FGF13: variants seen among roughly 807,000 people sequenced by gnomAD.
The protein encoded by FGF13 is fibroblast growth factor homologous factor 2.
A neutral mutation model predicts 19.5 loss-of-function variants in FGF13; 2 were observed. The ratio of observed to expected loss-of-function variants is 0.10; its 90% CI spans 0.04 to 0.32. The LOEUF is 0.32. FGF13 is among the 10% of genes least tolerant of loss of function. FGF13 has a pLI of 1.00. For synonymous variants in FGF13, 72 were observed against 76.9 expected (o/e 0.94, Z 0.33); for missense variants, 113 against 192.7 (o/e 0.59, Z 2.45).
chrX:139,062,475 G>A (rs1286284762), intron 1 of FGF13, among the ~76,000 whole-genome samples: 1 of 111,700 alleles, frequency 9.0e-6, no homozygotes, highest in African/African-American at 3.3e-5. Flanking sequence ...TTGAAGTAAG[G>A]TAGTGTGATA....
chrX:138,885,703 C>G (rs540070946), intron 1 of FGF13, among the ~76,000 whole-genome samples: 19 of 107,828 alleles, frequency 1.8e-4, no homozygotes, highest in East Asian at 1.2e-3. Flanking sequence ...TTCTCTAACC[C>G]CCCCCGCCAA....
At chrX:138,758,578 G>A (rs767612633) in intron 3 of FGF13, among the ~76,000 whole-genome samples, 1 of 110,872 alleles carries the variant, frequency 9.0e-6, no homozygotes, top group South Asian at 3.8e-4. Context: ...GTCCAATCTG[G>A]CTCCTCTCAC....
intron 3 of FGF13, among the ~76,000 whole-genome samples, chrX:138,641,353 A>T (rs935688547): frequency 8.1e-5 from 9 of 111,166 alleles, no homozygotes; most frequent in Non-Finnish European, 9.4e-5. Context: ...TTCCAGTCAC[A>T]TTTTCAGTAG....
At chrX:138,680,970 G>A (rs1339456574) in intron 3 of FGF13, among the ~76,000 whole-genome samples, 1 of 110,028 alleles carries the variant, frequency 9.1e-6, no homozygotes, top group Non-Finnish European at 1.9e-5. Flanking sequence ...TCAGGAGTTT[G>A]AGACCAGCCT....
chrX:138,866,214 C>A (rs760783152), intron 1 of FGF13, among the ~76,000 whole-genome samples: 5 of 112,845 alleles, frequency 4.4e-5, no homozygotes, highest in Non-Finnish European at 9.4e-5. Flanking sequence ...TTGGGCCCCA[C>A]CTCCAGAGAT....
At chrX:138,996,688 T>C (rs2092044601) in intron 1 of FGF13, among the ~76,000 whole-genome samples, 1 of 112,255 alleles carries the variant, frequency 8.9e-6, no homozygotes, top group African/African-American at 3.2e-5. Flanking sequence ...GTCAGGGACT[T>C]ATAGATAAAA....
intron 3 of FGF13, among the ~76,000 whole-genome samples, chrX:138,839,246 C>T (rs1187851916): frequency 2.7e-5 from 3 of 110,781 alleles, no homozygotes; most frequent in East Asian, 2.8e-4. Context: ...TGTGGCCTTT[C>T]GGTCTTGGAC....
chrX:138,954,254 T>C (rs1432514531), intron 1 of FGF13, among the ~76,000 whole-genome samples: 1 of 111,772 alleles, frequency 8.9e-6, no homozygotes, highest in African/African-American at 3.2e-5. Flanking sequence ...AACGCTGTTC[T>C]TATTGCTGAG....
intron 1 of FGF13, among the ~76,000 whole-genome samples, chrX:139,146,253 G>A (rs1323472967): frequency 8.9e-6 from 1 of 111,739 alleles, no homozygotes; most frequent in Non-Finnish European, 1.9e-5. Flanking sequence ...AATCTACAAA[G>A]AACTTAAACA....
chrX:138,835,972 T>C (rs2091109882), intron 3 of FGF13, among the ~76,000 whole-genome samples: 1 of 109,751 alleles, frequency 9.1e-6, no homozygotes. Context: ...GATTGTTGAA[T>C]GTTAAAAAAA....
chrX:138,866,837 T>C (rs1167092211), intron 1 of FGF13, among the ~76,000 whole-genome samples: 1 of 111,895 alleles, frequency 8.9e-6, no homozygotes, highest in African/African-American at 3.3e-5. Flanking sequence ...CATTGCACAA[T>C]AGCTGGCACA....
intron 1 of FGF13, among the ~76,000 whole-genome samples, chrX:139,054,736 G>A (rs748989186): frequency 1.3e-4 from 14 of 111,598 alleles, no homozygotes; most frequent in Non-Finnish European, 2.1e-4. Context: ...TGTTTGTGTT[G>A]TCTATGATTT....
intron 1 of FGF13, among the ~76,000 whole-genome samples, chrX:139,038,776 T>C (rs12556537): frequency 0.095 from 10,666 of 111,717 alleles, 423 homozygotes; most frequent in South Asian, 0.18. Flanking sequence ...TCACATCATT[T>C]CTAATCATAT....
At chrX:138,906,592 T>C (rs2091559696) in intron 1 of FGF13, among the ~76,000 whole-genome samples, 1 of 111,813 alleles carries the variant, frequency 8.9e-6, no homozygotes, top group Non-Finnish European at 1.9e-5. Flanking sequence ...AGAACAATAA[T>C]GCAGGCTAAA....
At chrX:138,947,047 G>C in intron 1 of FGF13, among the ~76,000 whole-genome samples, 1 of 112,056 alleles carries the variant, frequency 8.9e-6, no homozygotes, top group Middle Eastern at 4.6e-3. Context: ...GTGGCTAAAA[G>C]GGCTCTCTGC....
In FGF13 at chrX:138,943,483, T is replaced by C. The variant is rs183735867; in HGVS notation, c.-112-78833A>G. On this transcript the variant is annotated intron_variant, in intron 1 of 2. Coordinates refer to the FGF13 transcript ENST00000421460. Reference sequence around the variant, plus strand: ...ATTCCTATGAAAATCACATAAAGCATGCACTGCTGAAGCTCTAATATCTGA... The same window carrying C: ...ATTCCTATGAAAATCACATAAAGCACGCACTGCTGAAGCTCTAATATCTGA... Among the ~76,000 whole-genome samples, 351 of 112,066 alleles carry C rather than the reference T, an allele frequency of 3.1e-3. 1 individual carries two copies. Among genetic ancestry groups the C allele is most frequent in the African/African-American group, 0.011 (328 of 30,863 alleles).
intron 3 of FGF13, among the ~76,000 whole-genome samples, chrX:138,766,486 G>A (rs1338772789): frequency 8.9e-6 from 1 of 112,074 alleles, no homozygotes; most frequent in Non-Finnish European, 1.9e-5. Context: ...CATGATTTCA[G>A]TGCAAACCCA....
chrX:138,894,514 G>C (rs1035029229), intron 1 of FGF13, among the ~76,000 whole-genome samples: 43 of 111,556 alleles, frequency 3.9e-4, no homozygotes, highest in African/African-American at 1.3e-3. Context: ...ACTATGATCA[G>C]AGAATACTAT....
chrX:138,981,225 A>G (rs1346103742), intron 1 of FGF13, among the ~76,000 whole-genome samples: 1 of 109,728 alleles, frequency 9.1e-6, no homozygotes, highest in African/African-American at 3.3e-5. Flanking sequence ...GGAAAAGGGT[A>G]CTCTAGGTAG....
Sources: gnomAD v4.1 joint callset for allele counts (sites outside exome capture counted in the v4.1 genomes callset) on GRCh38, gnomAD v4.1.1 for gene constraint, MANE v1.5 for transcripts, NCBI Gene and HGNC (gene_info 2026-07-23, HGNC 2026-07-21) for gene names.